Variants in SNX4 observed in about 807,000 individuals in gnomAD.
The protein encoded by SNX4 is sorting nexin-4.
SNX4 carries 49 observed loss-of-function variants against 70.8 expected under a neutral mutation model. The observed-to-expected ratio is 0.69, with a 90% CI of 0.55 to 0.88. The LOEUF (loss-of-function observed/expected upper bound fraction) is 0.88, where lower values mean the gene tolerates loss of function less well. Ranked by LOEUF, SNX4 falls within the 40% of genes least tolerant of loss-of-function variation. SNX4 has a pLI of 0.00. For missense variants in SNX4, 528 were observed against 544.8 expected, an observed-to-expected ratio of 0.97 and a Z score of 0.31; for synonymous variants, 206 against 183.8, an observed-to-expected ratio of 1.12 and a Z score of -0.98.
At chr3:125,513,112 TG>T (rs540165574) in intron 1 of SNX4, among the ~76,000 whole-genome samples, 78 of 152,308 alleles carry the variant, frequency 5.1e-4, no homozygotes, top group African/African-American at 1.9e-3. Context: ...CTCAAGGTGA[TG>T]GTATTAGGAG....
intron 1 of SNX4, among the ~76,000 whole-genome samples, chr3:125,508,044 C>T (rs1345758457): frequency 1.3e-5 from 2 of 152,084 alleles, no homozygotes; most frequent in Non-Finnish European, 2.9e-5. Context: ...GTATAAAACA[C>T]TGCTAGAAAT....
chr3:125,482,445 T>C (rs188989669), intron 6 of SNX4, among the ~76,000 whole-genome samples: 1 of 152,234 alleles, frequency 6.6e-6, no homozygotes, highest in Non-Finnish European at 1.5e-5. Context: ...CTCCTAAACA[T>C]TGCCCCAATC....
intron 5 of SNX4, among the ~76,000 whole-genome samples, chr3:125,491,622 G>A (rs1056762270): frequency 4.6e-5 from 7 of 152,110 alleles, no homozygotes; most frequent in African/African-American, 1.4e-4. Flanking sequence ...TCACCAAACC[G>A]CTGGATCTCT....
At chr3:125,496,087 C>A (rs761541401) in intron 5 of SNX4, among the ~76,000 whole-genome samples, 1 of 152,048 alleles carries the variant, frequency 6.6e-6, no homozygotes, top group Non-Finnish European at 1.5e-5. Context: ...CCCAGGAGTT[C>A]GAAACTAGCC....
rs1491540755 is a variant in SNX4 at position 125,471,345 on chromosome 3, A to AAAAC, written c.789-1827_789-1826insGTTT. 2.1e-4 allele frequency among the ~76,000 whole-genome samples: 19 copies of AAAAC among 92,020 alleles called. 1 individual carries two copies. The highest frequency in any genetic ancestry group is 7.9e-4 in the African/African-American group (18 of 22,880). 60.4% of individuals were successfully genotyped at this position (92,020 alleles called of 152,430 possible). A position where few individuals can be genotyped will look rare whatever the true frequency, so the allele number is the denominator to read the frequency against. ...GGCAACAAGAGCAAAGCTCCATCTC[A>AAAAC]AAAAAAAAAAAAAAAAAAAAAAAAA... On this transcript the variant is annotated intron_variant, in intron 8 of 13. Coordinates refer to ENST00000251775, the MANE Select transcript of SNX4 (RefSeq NM_003794.4).
intron 5 of SNX4, among the ~76,000 whole-genome samples, chr3:125,494,680 A>T (rs909283877): frequency 1.3e-5 from 2 of 152,204 alleles, no homozygotes; most frequent in African/African-American, 4.8e-5. Context: ...TCTGGGATGA[A>T]TTCAGTATTT....
intron 12 of SNX4, among the ~76,000 whole-genome samples, 181 bp downstream of exon 12, chr3:125,453,629 G>A (rs1327613428): frequency 2.6e-5 from 4 of 151,902 alleles, no homozygotes; most frequent in African/African-American, 7.3e-5. Flanking sequence ...GATTACAGGC[G>A]TGAGCCACCA....
chr3:125,455,999 T>C (rs1396891439), intron 11 of SNX4, among the ~76,000 whole-genome samples: 2 of 152,068 alleles, frequency 1.3e-5, no homozygotes, highest in Admixed American at 6.6e-5. Context: ...CGAAACTCGG[T>C]CTAAAAACAA....
At chr3:125,502,050 T>C (rs573028052) in intron 2 of SNX4, among the ~76,000 whole-genome samples, 19 of 152,288 alleles carry the variant, frequency 1.2e-4, no homozygotes, top group African/African-American at 4.1e-4. Flanking sequence ...TCAATACCTA[T>C]GTGGGTGAAA....
chr3:125,477,213 A>G (rs971502945), intron 7 of SNX4, among the ~76,000 whole-genome samples: 1 of 152,222 alleles, frequency 6.6e-6, no homozygotes, highest in Non-Finnish European at 1.5e-5. Context: ...TTATAATAAA[A>G]TCCCCAAAGT....
chr3:125,514,184 C>G (rs1935225567), intron 1 of SNX4, among the ~76,000 whole-genome samples: 1 of 151,932 alleles, frequency 6.6e-6, no homozygotes. Flanking sequence ...ACATTCAATC[C>G]AAAGCAATAA....
intron 11 of SNX4, among the ~76,000 whole-genome samples, chr3:125,454,937 T>C (rs1310714158): frequency 6.7e-6 from 1 of 149,940 alleles, no homozygotes; most frequent in Non-Finnish European, 1.5e-5. Flanking sequence ...CTGAATTTCT[T>C]TTTTTTTTTG....
chr3:125,501,177 A>C (rs1580004830), intron 2 of SNX4, among the ~76,000 whole-genome samples: 1 of 152,362 alleles, frequency 6.6e-6, no homozygotes, highest in East Asian at 1.9e-4. Context: ...AATCTATTCA[A>C]AATCAGTATT....
intron 9 of SNX4, among the ~76,000 whole-genome samples, chr3:125,462,874 G>C (rs945874806): frequency 1.2e-4 from 19 of 152,150 alleles, no homozygotes; most frequent in Non-Finnish European, 2.4e-4. Context: ...GTGGTGTCAG[G>C]TGGAAACCTT....
In SNX4 at chr3:125,447,535, A is replaced by G. The variant is rs1385747796; in HGVS notation, c.*244T>C. 2.8e-6 allele frequency: 1 copy of G among 358,486 alleles called. No homozygotes were observed. The highest frequency in any genetic ancestry group is 4.9e-6 in the Non-Finnish European group (1 of 203,906). 22.2% of individuals were successfully genotyped at this position (358,486 alleles called of 1,614,324 possible). ...AGCGTGACAAACAATCTGTTGGTAT[A>G]TATTATTAAATTAACTTTTTGGAAT... On this transcript the variant is annotated 3_prime_UTR_variant, in exon 14 of 14. Coordinates refer to ENST00000251775, the MANE Select transcript of SNX4 (RefSeq NM_003794.4).
At chr3:125,456,792 C>G (rs1933728543) in intron 11 of SNX4, among the ~76,000 whole-genome samples, 1 of 152,146 alleles carries the variant, frequency 6.6e-6, no homozygotes, top group South Asian at 2.1e-4. Flanking sequence ...TCCCGAGTAG[C>G]TGGGACTACA....
intron 6 of SNX4, among the ~76,000 whole-genome samples, chr3:125,485,298 T>C (rs1023215820): frequency 3.3e-5 from 5 of 152,158 alleles, no homozygotes; most frequent in Non-Finnish European, 7.4e-5. Context: ...CTATTTTATA[T>C]GGCTTTCCTT....
chr3:125,484,864 G>A (rs568338325), intron 6 of SNX4, among the ~76,000 whole-genome samples: 8 of 152,048 alleles, frequency 5.3e-5, no homozygotes, highest in African/African-American at 1.9e-4. Context: ...TCAGGAGTGC[G>A]AGACCAGCCT....
At chr3:125,470,283 C>G (rs564251429) in intron 8 of SNX4, among the ~76,000 whole-genome samples, 1 of 151,972 alleles carries the variant, frequency 6.6e-6, no homozygotes, top group Non-Finnish European at 1.5e-5. Context: ...TTTTCCCATA[C>G]TATTAAAATA....
Sources: gnomAD v4.1 joint callset for allele counts (sites outside exome capture counted in the v4.1 genomes callset) on GRCh38, gnomAD v4.1.1 for gene constraint, MANE v1.5 for transcripts, NCBI Gene and HGNC (gene_info 2026-07-23, HGNC 2026-07-21) for gene names.